Variants in CACNA2D1 observed in about 807,000 individuals in gnomAD.
CACNA2D1 encodes calcium voltage-gated channel auxiliary subunit alpha2delta 1.
In CACNA2D1, 53 loss-of-function variants were observed where a neutral mutation model predicts 171.5. That is an observed-to-expected ratio of 0.31 (90% CI 0.25 to 0.39). The LOEUF is 0.39. Ranked by LOEUF, CACNA2D1 falls within the 10% of genes least tolerant of loss-of-function variation. The pLI is 1.00. For synonymous variants in CACNA2D1, 442 were observed against 443.1 expected (o/e 1.00, Z 0.03); for missense variants, 903 against 1,299.8 (o/e 0.69, Z 4.69).
At chr7:82,413,313 T>A (rs186162484) in intron 1 of CACNA2D1, among the ~76,000 whole-genome samples, 1 of 152,328 alleles carries the variant, frequency 6.6e-6, no homozygotes, top group Non-Finnish European at 1.5e-5. Context: ...TATCAGCAAG[T>A]TTATTTCTAC....
intron 6 of CACNA2D1, among the ~76,000 whole-genome samples, chr7:82,115,094 G>A (rs371546309): frequency 6.6e-6 from 1 of 152,088 alleles, no homozygotes; most frequent in Non-Finnish European, 1.5e-5. Context: ...ACAGAGTAAC[G>A]CAGGTTGAAA....
chr7:82,172,786 A>T, intron 3 of CACNA2D1, among the ~76,000 whole-genome samples: 1 of 137,832 alleles, frequency 7.3e-6, no homozygotes, highest in African/African-American at 3.0e-5. Context: ...CCCCCATTTA[A>T]AAAAAAAAAA....
intron 1 of CACNA2D1, among the ~76,000 whole-genome samples, chr7:82,431,968 G>T (rs953324488): frequency 1.4e-5 from 2 of 147,292 alleles, no homozygotes; most frequent in South Asian, 4.3e-4. Context: ...AACCCAGGAG[G>T]TGGAGGTTGC....
chr7:82,198,637 T>C (rs1436692395), intron 3 of CACNA2D1, among the ~76,000 whole-genome samples: 1 of 151,914 alleles, frequency 6.6e-6, no homozygotes, highest in East Asian at 1.9e-4. Context: ...CCCTTCTATT[T>C]TACATTCAAA....
rs567621702 is a variant in CACNA2D1 at position 82,109,119 on chromosome 7, T to C, written c.526+7925A>G. Among the ~76,000 whole-genome samples the C allele has an allele frequency of 2.6e-4, 39 of 152,266 alleles. 1 individual carries two copies. In the South Asian group the frequency reaches 7.9e-3, roughly 31 times the overall value. ...AGCTACTCTGCTAATATCAGAACCATGACAACATTTTACTGAAAGTTCTTT... is the reference window on the plus strand; with the variant it reads ...AGCTACTCTGCTAATATCAGAACCACGACAACATTTTACTGAAAGTTCTTT... On this transcript the variant is annotated intron_variant, in intron 6 of 38. Transcript: ENST00000356860.
At chr7:82,351,629 T>G (rs11980383) in intron 1 of CACNA2D1, among the ~76,000 whole-genome samples, 19,625 of 152,024 alleles carry the variant, frequency 0.13, 1,865 homozygotes, top group African/African-American at 0.26. Flanking sequence ...AAGGGAATAA[T>G]GTATAAAATA....
intron 3 of CACNA2D1, among the ~76,000 whole-genome samples, chr7:82,273,738 T>C (rs183629396): frequency 1.2e-4 from 19 of 152,308 alleles, no homozygotes; most frequent in African/African-American, 4.3e-4. Context: ...TCCAATTTAA[T>C]AAAAGTTGTG....
intron 3 of CACNA2D1, among the ~76,000 whole-genome samples, chr7:82,240,781 A>G (rs1207051377): frequency 6.6e-6 from 1 of 152,126 alleles, no homozygotes; most frequent in Non-Finnish European, 1.5e-5. Flanking sequence ...ATCCTGGCCA[A>G]CATGGTGAAA....
intron 1 of CACNA2D1, among the ~76,000 whole-genome samples, chr7:82,425,513 A>G (rs887045990): frequency 6.6e-6 from 1 of 151,454 alleles, no homozygotes; most frequent in Non-Finnish European, 1.5e-5. Context: ...ATAAATTTAC[A>G]TTACCAAATT....
intron 3 of CACNA2D1, among the ~76,000 whole-genome samples, chr7:82,204,975 G>C (rs1378080207): frequency 2.0e-5 from 3 of 152,214 alleles, no homozygotes; most frequent in Non-Finnish European, 4.4e-5. Flanking sequence ...ACCCAAGTGA[G>C]CTCATGCTTG....
At chr7:82,065,765 T>G (rs190551548) in intron 8 of CACNA2D1, among the ~76,000 whole-genome samples, 7 of 152,292 alleles carry the variant, frequency 4.6e-5, no homozygotes, top group Admixed American at 4.6e-4. Flanking sequence ...TTCTCATGAA[T>G]ATGTACTCAA....
intron 1 of CACNA2D1, among the ~76,000 whole-genome samples, chr7:82,355,643 C>T (rs962869817): frequency 6.6e-6 from 1 of 152,024 alleles, no homozygotes; most frequent in African/African-American, 2.4e-5. Flanking sequence ...TCTTGAGACC[C>T]GTGCTCCTAT....
intron 5 of CACNA2D1, among the ~76,000 whole-genome samples, chr7:82,134,498 A>C (rs956392734): frequency 4.6e-5 from 7 of 152,170 alleles, no homozygotes; most frequent in Non-Finnish European, 7.4e-5. Context: ...TGATAACGTT[A>C]TTGTTTGTAT....
Position 82,084,794 on chromosome 7 carries a change from G to A in CACNA2D1, c.633C>T (p.Ala211=). ...CTGGATAATATCGAGCTAGGCCAGT[G>A]GCACTGCCAAAAACCTGCCACAATA... is the stretch of plus-strand genomic sequence containing the variant. ...PSLLWQVFGS[A]TGLARYYPAS... is the part of the protein sequence containing the mutation. Residue 211 remains alanine (A), a synonymous_variant, in exon 7 of 39, where the codon GCC becomes GCT. Coordinates refer to ENST00000356860, the MANE Select transcript of CACNA2D1 (RefSeq NM_000722.4). 6.2e-7 allele frequency: 1 copy of A among 1,614,018 alleles called. No homozygotes were observed. Among genetic ancestry groups the A allele is most frequent in the Non-Finnish European group, 8.5e-7 (1 of 1,179,902 alleles).
At chr7:81,960,376 C>G (rs1008109956) in intron 36 of CACNA2D1, among the ~76,000 whole-genome samples, 1 of 152,080 alleles carries the variant, frequency 6.6e-6, no homozygotes, top group South Asian at 2.1e-4. Context: ...GTGACTGAGG[C>G]ACAAAATTTT....
Position 81,959,267 on chromosome 7 carries a change from G to C in CACNA2D1, c.3159+8C>G. 6.4e-7 allele frequency: 1 copy of C among 1,572,120 alleles called. No homozygotes were observed. The highest frequency in any genetic ancestry group is 8.8e-7 in the Non-Finnish European group (1 of 1,141,872). ...TAGTATTTTAATCCAGTAGAAGTGT[G>C]ATCTTACCAAGACATTGTTATCAAA... On this transcript the variant is annotated splice_region_variant and intron_variant, in intron 38 of 38. Coordinates refer to ENST00000356860, the MANE Select transcript of CACNA2D1 (RefSeq NM_000722.4).
intron 25 of CACNA2D1, among the ~76,000 whole-genome samples, chr7:81,973,552 A>AAAAAGAAGGGAGGAGGAGAAGG (rs1795516957): frequency 6.6e-6 from 1 of 152,084 alleles, no homozygotes; most frequent in Non-Finnish European, 1.5e-5. Flanking sequence ...ATTGAAAAAC[A>AAAAAGAAGGGAGGAGGAGAAGG]AAAAGAAGGG....
chr7:82,094,821 C>T (rs1343946970), intron 6 of CACNA2D1, among the ~76,000 whole-genome samples: 1 of 139,122 alleles, frequency 7.2e-6, no homozygotes, highest in African/African-American at 2.8e-5. Flanking sequence ...CAAGTCATGT[C>T]GGTTCTAATG....
intron 24 of CACNA2D1, among the ~76,000 whole-genome samples, chr7:81,979,452 T>C (rs1036097451): frequency 6.6e-6 from 1 of 152,064 alleles, no homozygotes; most frequent in Non-Finnish European, 1.5e-5. Context: ...CTACCCTAGT[T>C]TCCACCTTGT....
Sources: gnomAD v4.1 joint callset for allele counts (sites outside exome capture counted in the v4.1 genomes callset) on GRCh38, gnomAD v4.1.1 for gene constraint, MANE v1.5 for transcripts, NCBI Gene and HGNC (gene_info 2026-07-23, HGNC 2026-07-21) for gene names.